Variants in PIP4K2A observed in about 807,000 individuals in gnomAD.
PIP4K2A encodes the protein phosphatidylinositol 5-phosphate 4-kinase type-2 alpha.
A neutral mutation model predicts 42.9 loss-of-function variants in PIP4K2A; 14 were observed. The ratio of observed to expected loss-of-function variants is 0.33; its 90% CI spans 0.22 to 0.51. The LOEUF (loss-of-function observed/expected upper bound fraction) is 0.51, where lower values mean the gene tolerates loss of function less well. Among genes scored for constraint, PIP4K2A ranks in the 20% least tolerant of loss-of-function variants. PIP4K2A has a pLI of 0.97. For missense variants in PIP4K2A, 434 were observed against 519.8 expected (o/e 0.83, Z 1.61); for synonymous variants, 192 against 192.2 (o/e 1.00, Z 0.01).
chr10:22,714,003 G>A, intron 1 of PIP4K2A, 180 bp downstream of exon 1: 3 of 565,546 alleles, frequency 5.3e-6, no homozygotes, highest in East Asian at 6.5e-5. Flanking sequence ...TGGTGCCTGG[G>A]CGGCCCAGAG....
chr10:22,676,422 T>C lies in PIP4K2A; in HGVS notation c.144+37761A>G, dbSNP rs112143717. Among the ~76,000 whole-genome samples, 4 of 152,254 alleles carry C rather than the reference T, an allele frequency of 2.6e-5. 1 individual carries two copies. The highest frequency in any genetic ancestry group is 9.6e-5 in the African/African-American group (4 of 41,538). On this transcript the variant is annotated intron_variant, in intron 1 of 9. Coordinates refer to ENST00000376573, the MANE Select transcript of PIP4K2A (RefSeq NM_005028.5). ...AGAATTTGTAACCAATCTTTAAACC[T>C]ATCGTCTCTCAGCTTTGTCTCACTG...
At chr10:22,606,925 C>T (rs564074279) in intron 3 of PIP4K2A, among the ~76,000 whole-genome samples, 4 of 152,168 alleles carry the variant, frequency 2.6e-5, no homozygotes, top group Admixed American at 6.5e-5. Context: ...AGTCTAAACA[C>T]GAAATTTATC....
chr10:22,673,514 G>C (rs996248134), intron 1 of PIP4K2A, among the ~76,000 whole-genome samples: 6 of 151,884 alleles, frequency 4.0e-5, no homozygotes, highest in African/African-American at 1.2e-4. Context: ...CAACCAGAAA[G>C]ACAGTTTAAA....
At chr10:22,572,336 C>A (rs903316762) in intron 5 of PIP4K2A, among the ~76,000 whole-genome samples, 1 of 152,224 alleles carries the variant, frequency 6.6e-6, no homozygotes, top group African/African-American at 2.4e-5. Flanking sequence ...ATTGGCCCAG[C>A]CAGCCGCGGT....
intron 6 of PIP4K2A, among the ~76,000 whole-genome samples, chr10:22,556,388 C>T (rs990017023): frequency 4.6e-5 from 7 of 152,158 alleles, no homozygotes; most frequent in Non-Finnish European, 2.9e-5. Flanking sequence ...CTGAAAAGAC[C>T]TTTTGTTTAA....
At chr10:22,670,315 G>A (rs1657778222) in intron 1 of PIP4K2A, among the ~76,000 whole-genome samples, 1 of 152,072 alleles carries the variant, frequency 6.6e-6, no homozygotes, top group Admixed American at 6.6e-5. Context: ...GGAAGTTGAG[G>A]CTGCAGTGAG....
intron 1 of PIP4K2A, among the ~76,000 whole-genome samples, chr10:22,642,358 T>C (rs763431833): frequency 6.6e-6 from 1 of 152,170 alleles, no homozygotes; most frequent in Non-Finnish European, 1.5e-5. Flanking sequence ...CCAATTTATT[T>C]TGGCAAATAA....
intron 1 of PIP4K2A, among the ~76,000 whole-genome samples, chr10:22,684,472 T>C (rs1177990895): frequency 1.3e-5 from 2 of 152,368 alleles, no homozygotes; most frequent in South Asian, 2.1e-4. Context: ...GTAATGCGCT[T>C]GTTTCATTAT....
At chr10:22,621,217 G>T (rs765942390) in intron 1 of PIP4K2A, among the ~76,000 whole-genome samples, 1 of 152,122 alleles carries the variant, frequency 6.6e-6, no homozygotes, top group South Asian at 2.1e-4. Flanking sequence ...ATCCTTTCCA[G>T]AGACAGAAAC....
chr10:22,687,106 A>G (rs1839780422), intron 1 of PIP4K2A, among the ~76,000 whole-genome samples: 1 of 151,668 alleles, frequency 6.6e-6, no homozygotes, highest in African/African-American at 2.4e-5. Flanking sequence ...GTGACACTAT[A>G]CTAATCTGCA....
intron 1 of PIP4K2A, among the ~76,000 whole-genome samples, chr10:22,633,519 A>G (rs1330414699): frequency 1.3e-5 from 2 of 152,126 alleles, no homozygotes; most frequent in Non-Finnish European, 2.9e-5. Flanking sequence ...AAATATAATT[A>G]TCTTCATCAT....
At chr10:22,580,832 C>T (rs576723425) in intron 4 of PIP4K2A, among the ~76,000 whole-genome samples, 1 of 152,196 alleles carries the variant, frequency 6.6e-6, no homozygotes, top group Non-Finnish European at 1.5e-5. Context: ...GGCAAAAGGA[C>T]GTCATCAACA....
rs188693380 is a variant in PIP4K2A, at chr10:22,571,134, C to T, written c.639+2177G>A. Among the ~76,000 whole-genome samples the T allele has an allele frequency of 1.6e-3, 245 of 152,312 alleles. 2 individuals carry two copies. The highest frequency in any genetic ancestry group is 4.5e-3 in the African/African-American group (188 of 41,568). On this transcript the variant is annotated intron_variant, in intron 5 of 9. Coordinates refer to ENST00000376573, the MANE Select transcript of PIP4K2A (RefSeq NM_005028.5). ...GGAATGATTTCTTAAGAACTGTTTTCGTGACGGTTTGAGTTATGAGTTGAA... is the reference window on the plus strand; with the variant it reads ...GGAATGATTTCTTAAGAACTGTTTTTGTGACGGTTTGAGTTATGAGTTGAA...
At chr10:22,691,015 C>A (rs1303996351) in intron 1 of PIP4K2A, among the ~76,000 whole-genome samples, 2 of 152,180 alleles carry the variant, frequency 1.3e-5, no homozygotes, top group African/African-American at 4.8e-5. Context: ...CCCCACGTAA[C>A]CCCCTAAGGG....
intron 1 of PIP4K2A, among the ~76,000 whole-genome samples, chr10:22,644,908 G>C (rs1366171980): frequency 6.6e-6 from 1 of 152,158 alleles, no homozygotes; most frequent in Non-Finnish European, 1.5e-5. Context: ...AGAAGAAAAA[G>C]AACTGCTTCG....
chr10:22,563,719 G>C (rs1222355573), intron 6 of PIP4K2A, among the ~76,000 whole-genome samples: 1 of 152,186 alleles, frequency 6.6e-6, no homozygotes, highest in Admixed American at 6.5e-5. Flanking sequence ...CCCTGGCGCT[G>C]TCACTTCCTA....
At chr10:22,654,163 AT>A (rs1839047820) in intron 1 of PIP4K2A, among the ~76,000 whole-genome samples, 2 of 152,216 alleles carry the variant, frequency 1.3e-5, no homozygotes, top group Admixed American at 1.3e-4. Context: ...TTCCAACTTA[AT>A]TTTGAAAAAC....
In PIP4K2A at chr10:22,574,448, T is replaced by TTTG. The variant is rs1554796791; in HGVS notation, c.493-992_493-991insCAA. Among the ~76,000 whole-genome samples the TTTG allele has an allele frequency of 7.7e-4, 117 of 151,266 alleles. 1 individual carries two copies. In the East Asian group the frequency reaches 0.022, roughly 28 times the overall value. ...TGCTTGAATTTTTCATTTTCTGTTT[T>TTTG]TTTTTTTTTTTACAATGAGCATTTT... On this transcript the variant is annotated intron_variant, in intron 4 of 9. Transcript: ENST00000376573.
chr10:22,618,118 C>A (rs1009784015), intron 1 of PIP4K2A, among the ~76,000 whole-genome samples: 1 of 152,276 alleles, frequency 6.6e-6, no homozygotes, highest in Non-Finnish European at 1.5e-5. Context: ...TTGCTTCTGG[C>A]TTCTACAAAT....
Sources: gnomAD v4.1 joint callset for allele counts (sites outside exome capture counted in the v4.1 genomes callset) on GRCh38, gnomAD v4.1.1 for gene constraint, MANE v1.5 for transcripts, NCBI Gene and HGNC (gene_info 2026-07-23, HGNC 2026-07-21) for gene names.